Variants in ATP8B4 observed in about 807,000 individuals in gnomAD.
The protein encoded by ATP8B4 is probable phospholipid-transporting ATPase IM.
Under a neutral mutation model 145.6 loss-of-function variants are expected in ATP8B4, and 133 were observed. The observed-to-expected ratio is 0.91, with a 90% CI of 0.79 to 1.05. The LOEUF (loss-of-function observed/expected upper bound fraction) is 1.05. Among genes scored for constraint, ATP8B4 ranks in the 50% least tolerant of loss-of-function variants. The pLI is 0.00. For missense variants in ATP8B4, 1,458 were observed against 1,425.2 expected (o/e 1.02, Z -0.37); for synonymous variants, 507 against 492.9 (o/e 1.03, Z -0.38).
At chr15:49,897,949 C>A in intron 22 of ATP8B4, 119 bp downstream of exon 22, 1 of 1,134,124 alleles carries the variant, frequency 8.8e-7, no homozygotes, top group Non-Finnish European at 1.2e-6. Flanking sequence ...AAGTATCATT[C>A]ATTTTAGAAT....
intron 1 of ATP8B4, among the ~76,000 whole-genome samples, chr15:50,151,740 C>CAAAAAAAA (rs58413585): frequency 1.1e-5 from 1 of 91,790 alleles, no homozygotes; most frequent in African/African-American, 4.2e-5. Context: ...GAACCTGTCT[C>CAAAAAAAA]AAAAAAAAAA....
chr15:50,055,721 GGA>G (rs1253785802), intron 3 of ATP8B4, among the ~76,000 whole-genome samples: 2 of 152,034 alleles, frequency 1.3e-5, no homozygotes, highest in East Asian at 3.9e-4. Flanking sequence ...GACTAATAAG[GGA>G]GAGATTATCT....
chr15:49,936,946 T>C (rs1886464901), intron 14 of ATP8B4, among the ~76,000 whole-genome samples: 1 of 151,982 alleles, frequency 6.6e-6, no homozygotes. Flanking sequence ...TTCCAGGAAC[T>C]CTTTTCTTTT....
chr15:49,890,712 C>G (rs1357898808), intron 23 of ATP8B4, among the ~76,000 whole-genome samples: 1 of 152,164 alleles, frequency 6.6e-6, no homozygotes, highest in African/African-American at 2.4e-5. Context: ...AAAAAAAAGC[C>G]AAAACATTTT....
intron 5 of ATP8B4, among the ~76,000 whole-genome samples, chr15:50,041,141 C>T (rs897517723): frequency 6.6e-6 from 1 of 152,162 alleles, no homozygotes; most frequent in Non-Finnish European, 1.5e-5. Flanking sequence ...TAATGAAGAC[C>T]TTTAAGGCCA....
chr15:49,992,858 C>T (rs1188716058), intron 9 of ATP8B4, among the ~76,000 whole-genome samples: 1 of 151,862 alleles, frequency 6.6e-6, no homozygotes. Context: ...ATCTTCTCAT[C>T]GATTATACCT....
upstream of ATP8B4, among the ~76,000 whole-genome samples, chr15:50,121,898 T>C (rs1595623471): frequency 6.6e-6 from 1 of 152,264 alleles, no homozygotes; most frequent in African/African-American, 2.4e-5. Flanking sequence ...CGTGATCATA[T>C]TAAAGGAATT....
Position 50,002,133 on chromosome 15 carries a change from T to C in ATP8B4, c.506+20A>G. 6.3e-7 allele frequency: 1 copy of C among 1,576,446 alleles called. No individual in the cohort carries two copies. The stretch of plus-strand genomic sequence containing the variant: ...AATAAATTAAAAACCAACCAAATTA[T>C]TCTAATTTTAATAACTTACCCATCA... On this transcript the variant is annotated intron_variant, in intron 8 of 27. Coordinates refer to ENST00000284509, the MANE Select transcript of ATP8B4 (RefSeq NM_024837.4).
At chr15:50,023,779 C>CAAAAAAAAAAAAAAAAGAA (rs2049778895) in intron 6 of ATP8B4, among the ~76,000 whole-genome samples, 6 of 75,054 alleles carry the variant, frequency 8.0e-5, no homozygotes, top group African/African-American at 1.6e-4. Flanking sequence ...AGACCAAAGG[C>CAAAAAAAAAAAAAAAAGAA]AAAAAAAAAA....
intron 26 of ATP8B4, among the ~76,000 whole-genome samples, chr15:49,863,710 T>C (rs762647343): frequency 6.6e-6 from 1 of 152,140 alleles, no homozygotes; most frequent in Non-Finnish European, 1.5e-5. Flanking sequence ...ACTTAATCAA[T>C]TAAATGTCTC....
intron 3 of ATP8B4, among the ~76,000 whole-genome samples, chr15:50,073,491 C>T (rs557577959): frequency 6.6e-6 from 1 of 152,268 alleles, no homozygotes; most frequent in African/African-American, 2.4e-5. Flanking sequence ...ATGCCCAAAT[C>T]ATGGGCATTT....
chr15:49,874,267 C>T lies in ATP8B4; in HGVS notation c.3027+2011G>A, dbSNP rs117137173. The stretch of plus-strand genomic sequence containing the variant: ...TGAGATAAAATAATTGATTTCTATT[C>T]CACTAGAGAAAATAAAGGGGCCTTA... On this transcript the variant is annotated intron_variant, in intron 25 of 27. Coordinates refer to ENST00000284509, the MANE Select transcript of ATP8B4 (RefSeq NM_024837.4). Among the ~76,000 whole-genome samples the T allele has an allele frequency of 2.4e-3, 368 of 152,280 alleles. 1 individual carries two copies. Among genetic ancestry groups the T allele is most frequent in the Non-Finnish European group, 4.5e-3 (309 of 68,028 alleles).
chr15:49,922,472 C>A, intron 17 of ATP8B4: 2 of 401,688 alleles, frequency 5.0e-6, no homozygotes, highest in Non-Finnish European at 9.6e-6. Context: ...ATGTTTGTAA[C>A]CAATATTACC....
At chr15:49,935,453 C>T (rs896288205) in intron 14 of ATP8B4, among the ~76,000 whole-genome samples, 10 of 152,050 alleles carry the variant, frequency 6.6e-5, no homozygotes, top group African/African-American at 2.4e-4. Context: ...ATTTCCCTGC[C>T]CCCTTACTAA....
At chr15:49,912,787 C>CT (rs1411079319) in intron 20 of ATP8B4, among the ~76,000 whole-genome samples, 1 of 152,066 alleles carries the variant, frequency 6.6e-6, no homozygotes, top group Non-Finnish European at 1.5e-5. Context: ...AAGTAACAAA[C>CT]TAAGTCCAAC....
intron 25 of ATP8B4, among the ~76,000 whole-genome samples, chr15:49,871,547 T>G (rs1216599957): frequency 3.9e-5 from 6 of 152,220 alleles, no homozygotes; most frequent in African/African-American, 1.4e-4. Flanking sequence ...GATACAGGTC[T>G]CTTACAGCTG....
At chr15:50,125,052 ATCT>A (rs2057298339) in intron 1 of ATP8B4, among the ~76,000 whole-genome samples, 2 of 152,228 alleles carry the variant, frequency 1.3e-5, no homozygotes, top group African/African-American at 4.8e-5. Context: ...GGAGTATAGT[ATCT>A]TCTTTGCACA....
chr15:49,949,030 T>C (rs2042828919), intron 14 of ATP8B4, among the ~76,000 whole-genome samples: 1 of 152,154 alleles, frequency 6.6e-6, no homozygotes. Context: ...AGTCTATATG[T>C]TTGTTTTGGT....
chr15:50,161,174 A>G (rs1038283070), intron 1 of ATP8B4, among the ~76,000 whole-genome samples: 3 of 152,080 alleles, frequency 2.0e-5, no homozygotes, highest in Non-Finnish European at 4.4e-5. Flanking sequence ...TTTGTCCAAT[A>G]TAAGTATAGT....
Sources: gnomAD v4.1 joint callset for allele counts (sites outside exome capture counted in the v4.1 genomes callset) on GRCh38, gnomAD v4.1.1 for gene constraint, MANE v1.5 for transcripts, NCBI Gene and HGNC (gene_info 2026-07-23, HGNC 2026-07-21) for gene names.